CENPW: variants seen among roughly 807,000 people sequenced by gnomAD.
The protein encoded by CENPW is cancer-up-regulated gene 2 protein.
In CENPW, 3 loss-of-function variants were observed where a neutral mutation model predicts 11.1. The ratio of observed to expected loss-of-function variants is 0.27; its 90% CI spans 0.12 to 0.70. CENPW has a LOEUF of 0.70. Among genes scored for constraint, CENPW ranks in the 30% least tolerant of loss-of-function variants. The probability of loss-of-function intolerance (pLI) is 0.77; values close to 1 mark genes in which losing one functional copy is unlikely to be tolerated. For missense variants in CENPW, 100 were observed against 105.6 expected, an observed-to-expected ratio of 0.95 and a Z score of 0.23; for synonymous variants, 38 against 42.0, an observed-to-expected ratio of 0.91 and a Z score of 0.37.
the CENPW span, among the ~76,000 whole-genome samples, chr6:126,441,395 C>A: frequency 1.6e-4 from 24 of 151,400 alleles, no homozygotes; most frequent in African/African-American, 5.3e-4. Flanking sequence ...GCCGAACTTC[C>A]CTCCATTTCC....
chr6:126,479,998 C>A, the CENPW span, among the ~76,000 whole-genome samples: 65,243 of 151,678 alleles, frequency 0.43, 16,338 homozygotes, highest in East Asian at 0.97. Context: ...ACCAAACTGA[C>A]CTTCCACCAT....
the CENPW span, among the ~76,000 whole-genome samples, chr6:126,471,974 TTATA>T: frequency 6.6e-6 from 1 of 152,194 alleles, no homozygotes; most frequent in African/African-American, 2.4e-5. Context: ...TTCAATTTCT[TTATA>T]TATTTCAACA....
chr6:126,470,090 A>C, the CENPW span, among the ~76,000 whole-genome samples: 1 of 152,194 alleles, frequency 6.6e-6, no homozygotes, highest in Non-Finnish European at 1.5e-5. Flanking sequence ...ATCAAATGTT[A>C]ATTGTCAAGA....
the CENPW span, among the ~76,000 whole-genome samples, chr6:126,355,558 A>AC: frequency 0.44 from 66,995 of 151,884 alleles, 16,784 homozygotes; most frequent in East Asian, 0.97. Flanking sequence ...ACTTGTAGAC[A>AC]TGTATCTTGT....
the CENPW span, among the ~76,000 whole-genome samples, chr6:126,457,477 G>A: frequency 1.3e-5 from 2 of 151,304 alleles, no homozygotes; most frequent in Non-Finnish European, 3.0e-5. Flanking sequence ...ACCAAATACT[G>A]TATGTTCACA....
the CENPW span, among the ~76,000 whole-genome samples, chr6:126,427,221 A>G: frequency 2.0e-5 from 3 of 152,102 alleles, no homozygotes; most frequent in Non-Finnish European, 4.4e-5. Context: ...ATTGTGTTAC[A>G]TGGCCATTTT....
At chr6:126,364,574 A>G in the CENPW span, among the ~76,000 whole-genome samples, 2 of 152,072 alleles carry the variant, frequency 1.3e-5, no homozygotes, top group African/African-American at 4.8e-5. Flanking sequence ...AACCATCCTA[A>G]TGTATATAAG....
chr6:126,452,689 G>C, the CENPW span, among the ~76,000 whole-genome samples: 1 of 150,842 alleles, frequency 6.6e-6, no homozygotes, highest in Non-Finnish European at 1.5e-5. Flanking sequence ...GCCAAAGAGA[G>C]AAAAAGTGCA....
At chr6:126,356,717 T>G in the CENPW span, among the ~76,000 whole-genome samples, 1 of 152,184 alleles carries the variant, frequency 6.6e-6, no homozygotes, top group Non-Finnish European at 1.5e-5. Flanking sequence ...ATATGTTCAT[T>G]GGCCACTTGT....
the CENPW span, among the ~76,000 whole-genome samples, chr6:126,394,998 T>G: frequency 6.6e-6 from 1 of 152,152 alleles, no homozygotes; most frequent in Non-Finnish European, 1.5e-5. Flanking sequence ...AGTTTGATTA[T>G]TAAATGCTTG....
the CENPW span, among the ~76,000 whole-genome samples, chr6:126,464,725 A>G: frequency 6.6e-6 from 1 of 152,118 alleles, no homozygotes; most frequent in Non-Finnish European, 1.5e-5. Flanking sequence ...GACTTGGACT[A>G]TCCATCACTG....
chr6:126,353,607 G>C (rs1780515782), downstream of CENPW, among the ~76,000 whole-genome samples: 1 of 151,914 alleles, frequency 6.6e-6, no homozygotes, highest in South Asian at 2.1e-4. Flanking sequence ...TGAACTTTCT[G>C]ATACCATAGG....
chr6:126,392,185 C>T, the CENPW span, among the ~76,000 whole-genome samples: 1 of 151,738 alleles, frequency 6.6e-6, no homozygotes, highest in African/African-American at 2.4e-5. Context: ...AGAAACCTTT[C>T]ACTTTGGTTA....
the CENPW span, among the ~76,000 whole-genome samples, chr6:126,386,446 T>C: frequency 2.0e-5 from 3 of 152,108 alleles, no homozygotes; most frequent in African/African-American, 7.2e-5. Context: ...ACATGCCCAG[T>C]ACTATTTAAC....
chr6:126,473,658 G>T, the CENPW span, among the ~76,000 whole-genome samples: 1 of 151,920 alleles, frequency 6.6e-6, no homozygotes, highest in African/African-American at 2.4e-5. Flanking sequence ...GCTTGAGCTT[G>T]GGAGGCGGAG....
chr6:126,466,002 C>T, the CENPW span, among the ~76,000 whole-genome samples: 12 of 152,056 alleles, frequency 7.9e-5, no homozygotes, highest in East Asian at 3.9e-4. Flanking sequence ...TTAGTTGTTA[C>T]GGGTTCTAGG....
At chr6:126,404,740 A>G in the CENPW span, among the ~76,000 whole-genome samples, 1 of 151,516 alleles carries the variant, frequency 6.6e-6, no homozygotes, top group African/African-American at 2.4e-5. Flanking sequence ...TGTGATTTGC[A>G]TTTCCTTGAT....
chr6:126,427,139 A>G, the CENPW span, among the ~76,000 whole-genome samples: 1 of 152,140 alleles, frequency 6.6e-6, no homozygotes, highest in Non-Finnish European at 1.5e-5. Context: ...CAGCTGGGGC[A>G]CTGGGCTCAC....
chr6:126,367,949 C>T, the CENPW span, among the ~76,000 whole-genome samples: 2 of 152,102 alleles, frequency 1.3e-5, no homozygotes, highest in African/African-American at 2.4e-5. Flanking sequence ...TGATTTAAAC[C>T]GTAATCTAGA....
Sources: allele counts gnomAD v4.1 joint callset (sites outside exome capture counted in the v4.1 genomes callset), GRCh38; gene constraint gnomAD v4.1.1; transcripts MANE v1.5; gene names NCBI Gene and HGNC (gene_info 2026-07-23, HGNC 2026-07-21).